Variants in ACBD3 observed in about 807,000 individuals in gnomAD.
ACBD3 encodes the protein Golgi resident protein GCP60.
A neutral mutation model predicts 66.9 loss-of-function variants in ACBD3; 30 were observed. The ratio of observed to expected loss-of-function variants is 0.45; its 90% confidence interval spans 0.34 to 0.61. The LOEUF (loss-of-function observed/expected upper bound fraction) is 0.61, where lower values mean the gene tolerates loss of function less well. ACBD3 is among the 20% of genes least tolerant of loss of function. The pLI is 0.02. For synonymous variants in ACBD3, 278 were observed against 259.8 expected (o/e 1.07, Z -0.68); for missense variants, 544 against 664.5 (o/e 0.82, Z 1.99).
intron 4 of ACBD3, among the ~76,000 whole-genome samples, chr1:226,161,311 TG>T (rs1314235837): frequency 6.6e-6 from 1 of 152,044 alleles, no homozygotes; most frequent in Non-Finnish European, 1.5e-5. Context: ...GCTAATTTTT[TG>T]TATTTTTAAT....
chr1:226,151,404 CAAAAAT>C (rs1343322466), intron 7 of ACBD3, among the ~76,000 whole-genome samples: 1 of 152,124 alleles, frequency 6.6e-6, no homozygotes, highest in Non-Finnish European at 1.5e-5. Context: ...TCCTGGGTAA[CAAAAAT>C]AAAGAGACCC....
At chr1:226,177,502 A>G (rs1490176981) in intron 1 of ACBD3, among the ~76,000 whole-genome samples, 2 of 151,652 alleles carry the variant, frequency 1.3e-5, no homozygotes, top group African/African-American at 4.8e-5. Flanking sequence ...AGCCCCACGT[A>G]GCTGTTTTTG....
At chr1:226,159,145 ACT>A (rs746545849) in intron 5 of ACBD3, 37 bp downstream of exon 5, 12 of 1,584,518 alleles carry the variant, frequency 7.6e-6, no homozygotes, top group Non-Finnish European at 9.5e-6. Flanking sequence ...GAAACTAAAA[ACT>A]CTCTCTAAGG....
chr1:226,162,050 C>G (rs1174206571), intron 3 of ACBD3, among the ~76,000 whole-genome samples: 1 of 152,130 alleles, frequency 6.6e-6, no homozygotes, highest in African/African-American at 2.4e-5. Context: ...GTGATACATT[C>G]AGCAATAGAT....
Position 226,164,794 on chromosome 1 carries a change from T to G in ACBD3, c.564A>C (p.Lys188Asn), listed in dbSNP as rs751387586. 1.2e-6 allele frequency: 2 copies of G among 1,608,942 alleles called. No homozygotes were observed. Among genetic ancestry groups the G allele is most frequent in the East Asian group, 4.5e-5 (2 of 44,762 alleles). The change falls in exon 3 of 8, where the codon AAA becomes AAC. Residue 188 changes from lysine to asparagine, a missense_variant. Physicochemically the swap from Lys to Asn is moderately conservative, Grantham distance 94. Around this residue, in one of 3 missense-constraint regions of ACBD3, gnomAD observed 383 missense variants for 462.4 expected, o/e 0.83. Coordinates refer to ENST00000366812, the MANE Select transcript of ACBD3 (RefSeq NM_022735.4). ...SHKIEKEEQE[K>N]KRKEEEERRR... ...TCCATGCCCTCAAACTTCACCTTTT[T>G]TTTTCTTGCTCTTCCTTCTCTATTT...
intron 1 of ACBD3, among the ~76,000 whole-genome samples, chr1:226,172,827 G>A (rs1214176608): frequency 2.0e-5 from 3 of 152,018 alleles, no homozygotes; most frequent in South Asian, 4.1e-4. Context: ...AGCTGGGTGC[G>A]GCGGCATGCG....
chr1:226,147,227 T>A (rs1354980588), intron 7 of ACBD3, among the ~76,000 whole-genome samples: 1 of 152,242 alleles, frequency 6.6e-6, no homozygotes, highest in South Asian at 2.1e-4. Context: ...TTGGGAATTC[T>A]GTTGAACCAT....
rs57231361 is a variant in ACBD3 at position 226,178,574 on chromosome 1, C to CAAAAAAAAAAAAAA, written c.286+7802_286+7815dup. 3.3e-4 allele frequency among the ~76,000 whole-genome samples: 28 copies of CAAAAAAAAAAAAAA among 83,618 alleles called. 2 individuals carry two copies. Among genetic ancestry groups the CAAAAAAAAAAAAAA allele is most frequent in the African/African-American group, 1.2e-3 (25 of 21,248 alleles). The allele number at this position is 83,618 out of a possible 152,430, so 54.9% of individuals were successfully genotyped here. ...TGGGCGACAGAGCAAGACTCCGTCT[C>CAAAAAAAAAAAAAA]AAAAAAAAAAAAAAAAAAAGACTAT... On this transcript the variant is annotated intron_variant, in intron 1 of 7. Coordinates refer to ENST00000366812, the MANE Select transcript of ACBD3 (RefSeq NM_022735.4).
chr1:226,172,510 AGC>A (rs967802445), intron 1 of ACBD3, among the ~76,000 whole-genome samples: 4 of 152,210 alleles, frequency 2.6e-5, no homozygotes, highest in African/African-American at 9.6e-5. Context: ...GTTAGAATCT[AGC>A]CTGGGCAATC....
chr1:226,170,332 A>AAT (rs1258522515), intron 1 of ACBD3, among the ~76,000 whole-genome samples: 1 of 42,556 alleles, frequency 2.3e-5, no homozygotes, highest in Non-Finnish European at 4.3e-5. Context: ...TAATTTTTTG[A>AAT]ATTTTTTTTT....
At chr1:226,172,292 T>C (rs976404790) in intron 1 of ACBD3, among the ~76,000 whole-genome samples, 5 of 151,514 alleles carry the variant, frequency 3.3e-5, no homozygotes, top group Non-Finnish European at 7.4e-5. Context: ...GCCCAGCAAA[T>C]CTCACAAAAG....
In ACBD3 at chr1:226,186,505, C is replaced by T; in HGVS notation, c.171G>A (p.Gln57=). Residue 57 remains glutamine (Q), a synonymous_variant, in exon 1 of 8, where the codon CAG becomes CAA. Coordinates refer to ENST00000366812, the MANE Select transcript of ACBD3 (RefSeq NM_022735.4). ...CAGCCGCCGCCTCCCCGGGCTCGGG[C>T]TGCTCCCCTGAGGCGCCCGGGCCGC... ...SGRGPGASGE[Q]PEPGEAAAGG... 2 of 1,468,990 alleles carry T rather than the reference C, an allele frequency of 1.4e-6. No homozygotes were observed. The highest frequency in any genetic ancestry group is 1.8e-6 in the Non-Finnish European group (2 of 1,113,682). 91.0% of individuals were successfully genotyped at this position (1,468,990 alleles called of 1,614,324 possible).
intron 5 of ACBD3, among the ~76,000 whole-genome samples, chr1:226,158,403 G>T (rs1659713243): frequency 6.6e-6 from 1 of 152,174 alleles, no homozygotes; most frequent in African/African-American, 2.4e-5. Context: ...TGTAAAATTA[G>T]TGTCTTCTAC....
intron 7 of ACBD3, 21 bp from the exon 8 acceptor site, chr1:226,146,842 C>CA (rs2102771445): frequency 6.2e-7 from 1 of 1,606,900 alleles, no homozygotes; most frequent in Non-Finnish European, 8.5e-7. Context: ...AGAGACAAGT[C>CA]AATGAACAGA....
intron 1 of ACBD3, among the ~76,000 whole-genome samples, chr1:226,185,612 C>T (rs1656280399): frequency 1.4e-5 from 2 of 145,386 alleles, no homozygotes; most frequent in Admixed American, 6.8e-5. Context: ...CTAAGTGAAT[C>T]ACCCAATTAA....
intron 6 of ACBD3, among the ~76,000 whole-genome samples, 169 bp from the exon 7 acceptor site, chr1:226,152,788 C>T (rs1356816167): frequency 6.6e-6 from 1 of 152,182 alleles, no homozygotes; most frequent in Non-Finnish European, 1.5e-5. Flanking sequence ...GGAGTCTCTC[C>T]AGATTACTAT....
rs12028456 is a variant in ACBD3, at chr1:226,181,103, A to G, written c.286+5287T>C. 1.8e-3 allele frequency among the ~76,000 whole-genome samples: 277 copies of G among 152,114 alleles called. 6 individuals are homozygous for G. In the East Asian group the frequency reaches 0.046, roughly 25 times the overall value. On this transcript the variant is annotated intron_variant, in intron 1 of 7. Transcript: ENST00000366812. Reference sequence around the variant, plus strand: ...CAAATTTAACATGAACTTGGTGGCTATAATTGTTTTTCTGTCTTACATCTG... The same window carrying G: ...CAAATTTAACATGAACTTGGTGGCTGTAATTGTTTTTCTGTCTTACATCTG...
At chr1:226,157,684 C>T (rs1416393308) in intron 5 of ACBD3, among the ~76,000 whole-genome samples, 1 of 152,124 alleles carries the variant, frequency 6.6e-6, no homozygotes, top group Admixed American at 6.5e-5. Context: ...GGACTACAGG[C>T]GTGCACCACC....
In ACBD3 at chr1:226,147,148, C is replaced by T. The variant is rs1179247231; in HGVS notation, c.1376-327G>A. On this transcript the variant is annotated intron_variant, in intron 7 of 7. Coordinates refer to ENST00000366812, the MANE Select transcript of ACBD3 (RefSeq NM_022735.4). ...CTTGTGACCCACCTGCCTCGGCCTC[C>T]CAAAGTGCTGGGATTACAGGCGTGA... 5.3e-5 allele frequency among the ~76,000 whole-genome samples: 8 copies of T among 152,204 alleles called. No homozygotes were observed. The East Asian group carries it at 9.6e-4, about 18-fold the overall frequency.
Sources: allele counts gnomAD v4.1 joint callset (sites outside exome capture counted in the v4.1 genomes callset), GRCh38; gene constraint gnomAD v4.1.1; regional missense constraint gnomAD v4.1.1; transcripts MANE v1.5; gene names NCBI Gene and HGNC (gene_info 2026-07-23, HGNC 2026-07-21).